MAP3K13: variants seen among roughly 807,000 people sequenced by gnomAD.
MAP3K13 encodes leucine zipper-bearing kinase.
In MAP3K13, 52 loss-of-function variants were observed where a neutral mutation model predicts 104.0. That is an observed-to-expected ratio of 0.50 (90% CI 0.40 to 0.63). The LOEUF is 0.63. Among genes scored for constraint, MAP3K13 ranks in the 20% least tolerant of loss-of-function variants. The pLI is 0.00. For synonymous variants in MAP3K13, 394 were observed against 442.2 expected (o/e 0.89, Z 1.37); for missense variants, 914 against 1,218.5 (o/e 0.75, Z 3.72).
rs1032156579 is a variant in MAP3K13, at chr3:185,482,196, T to C, written c.2800-159T>C. Among the ~76,000 whole-genome samples the C allele has an allele frequency of 1.3e-5, 2 of 152,268 alleles. No individual in the cohort carries two copies. The highest frequency in any genetic ancestry group is 4.8e-5 in the African/African-American group (2 of 41,480). ...ATTGTCGTAGCAATCATAATCATCA[T>C]GTGTTTTCTTTCTCCATAAGTCCCA... On this transcript the variant is annotated intron_variant, in intron 13 of 13. Coordinates refer to ENST00000265026, the MANE Select transcript of MAP3K13 (RefSeq NM_004721.5). The surrounding 1 kb of genome is among the most constrained non-coding windows in gnomAD (Gnocchi z 4.5).
chr3:185,427,909 T>C (rs969635480), intron 1 of MAP3K13, among the ~76,000 whole-genome samples: 1 of 151,998 alleles, frequency 6.6e-6, no homozygotes, highest in Admixed American at 6.6e-5. Context: ...AGAAACCCTG[T>C]CTCTATTAAA....
At chr3:185,395,558 C>T (rs1712354825) in intron 1 of MAP3K13, among the ~76,000 whole-genome samples, 1 of 148,272 alleles carries the variant, frequency 6.7e-6, no homozygotes, top group South Asian at 2.2e-4. Context: ...CGGGGTTTCA[C>T]CGTTTTAGCC....
intron 1 of MAP3K13, chr3:185,417,725 C>G: frequency 6.2e-7 from 1 of 1,612,724 alleles, no homozygotes; most frequent in Admixed American, 1.7e-5. Context: ...GCTGCCTTAT[C>G]CACCCGGAGC....
intron 7 of MAP3K13, among the ~76,000 whole-genome samples, chr3:185,455,935 T>G (rs1443257843): frequency 1.4e-5 from 2 of 144,584 alleles, no homozygotes; most frequent in East Asian, 3.9e-4. Context: ...GATGTATATA[T>G]GAGATATATA....
chr3:185,373,537 G>C (rs1724259957), intron 1 of MAP3K13, among the ~76,000 whole-genome samples: 1 of 152,138 alleles, frequency 6.6e-6, no homozygotes, highest in Non-Finnish European at 1.5e-5. Context: ...AGCTACTCAA[G>C]AGGCCGAGGC....
intron 9 of MAP3K13, among the ~76,000 whole-genome samples, chr3:185,466,526 G>A (rs979071113): frequency 6.6e-6 from 1 of 151,888 alleles, no homozygotes; most frequent in African/African-American, 2.4e-5. Context: ...ACAGGTGCAT[G>A]CCACCATGCC....
At position 185,412,460 on chromosome 3, in the gene MAP3K13, A is replaced by G. The variant is rs114084132; in HGVS notation, c.-85-16037A>G. ...GGAGTAGAAATTGAAACTACCCTCA[A>G]TGAATAATTAAACAATGGGTATGGA... On this transcript the variant is annotated intron_variant, in intron 1 of 13. Coordinates refer to ENST00000265026, the MANE Select transcript of MAP3K13 (RefSeq NM_004721.5). Among the ~76,000 whole-genome samples, 1,025 of 152,298 alleles carry G rather than the reference A, an allele frequency of 6.7e-3. 4 individuals are homozygous for G. The highest frequency in any genetic ancestry group is 0.011 in the Non-Finnish European group (724 of 68,028).
At chr3:185,325,460 G>T (rs182342775) in intron 2 of MAP3K13, among the ~76,000 whole-genome samples, 1 of 152,276 alleles carries the variant, frequency 6.6e-6, no homozygotes, top group East Asian at 1.9e-4. Context: ...CCACCATTCA[G>T]CCTACTACAA....
chr3:185,426,555 T>C (rs1714432508), intron 1 of MAP3K13, among the ~76,000 whole-genome samples: 1 of 152,202 alleles, frequency 6.6e-6, no homozygotes, highest in Non-Finnish European at 1.5e-5. Context: ...TCACCTTCAG[T>C]ATAAAATCTC....
chr3:185,335,554 A>T (rs534998433), intron 2 of MAP3K13, among the ~76,000 whole-genome samples: 2 of 152,256 alleles, frequency 1.3e-5, no homozygotes, highest in Admixed American at 1.3e-4. Context: ...TGCAGGTTCC[A>T]TATATATTGT....
At chr3:185,321,123 C>CATATGCGTGCACACAA (rs1721847746) in intron 2 of MAP3K13, among the ~76,000 whole-genome samples, 1 of 150,776 alleles carries the variant, frequency 6.6e-6, no homozygotes, top group Admixed American at 6.6e-5. Context: ...CGTGCACACA[C>CATATGCGTGCACACAA]ATATACACAT....
intron 2 of MAP3K13, among the ~76,000 whole-genome samples, chr3:185,294,318 G>A (rs1000385885): frequency 3.3e-5 from 5 of 152,158 alleles, no homozygotes; most frequent in African/African-American, 7.2e-5. Flanking sequence ...TATAGTGTCC[G>A]TGAACAATAG....
chr3:185,438,620 C>A (rs1351017726), intron 3 of MAP3K13, among the ~76,000 whole-genome samples: 3 of 152,132 alleles, frequency 2.0e-5, no homozygotes, highest in African/African-American at 4.8e-5. Flanking sequence ...CTAGATGATT[C>A]TTTTCATAAT....
At position 185,418,871 on chromosome 3, in the gene MAP3K13, T is replaced by G; in HGVS notation, c.-85-9626T>G. 7.5e-7 allele frequency: 1 copy of G among 1,332,458 alleles called. No homozygotes were observed. Among genetic ancestry groups the G allele is most frequent in the Non-Finnish European group, 1.0e-6 (1 of 980,566 alleles). The allele number at this position is 1,332,458 out of a possible 1,614,324, so 82.5% of individuals were successfully genotyped here. On this transcript the variant is annotated intron_variant, in intron 1 of 13. Coordinates refer to ENST00000265026, the MANE Select transcript of MAP3K13 (RefSeq NM_004721.5). This position sits in a 1 kb window ranked among gnomAD's most constrained non-coding sequence, Gnocchi z 4.5. ...CTTTTCATCTGTTTTGGGTTTCAGT[T>G]CTCTTAATCATGATCATTCTGCCTT...
chr3:185,371,785 A>C (rs1412496601), intron 1 of MAP3K13, among the ~76,000 whole-genome samples: 1 of 152,162 alleles, frequency 6.6e-6, no homozygotes, highest in Admixed American at 6.5e-5. Flanking sequence ...CAGACTGAAA[A>C]AGACTCTTTG....
chr3:185,355,144 G>A lies in MAP3K13; in HGVS notation c.-86+69501G>A, dbSNP rs1723298424. ...TCCCAATTATTATTTCTGGAATTTA[G>A]ATATCTGAAACTCCAAAAGAGTGTA... On this transcript the variant is annotated intron_variant, in intron 2 of 14. Transcript: ENST00000424227. Among the ~76,000 whole-genome samples the A allele has an allele frequency of 2.0e-5, 3 of 152,250 alleles. 1 individual carries two copies. The South Asian group carries it at 6.2e-4, about 32-fold the overall frequency.
rs1718517154 is a variant in MAP3K13, at chr3:185,482,415, A to G, written c.2860A>G (p.Thr954Ala). The G allele has an allele frequency of 1.2e-6, 2 of 1,614,130 alleles. No homozygotes were observed. Among genetic ancestry groups the G allele is most frequent in the South Asian group, 2.2e-5 (2 of 91,086 alleles). ...TTCAGATGGGGAGTGTTCTGATGCC[A>G]CAGTTAGGACCAATAAACACTACAG... ...DSSDGECSDA[T>A]VRTNKHYSSA... The change falls in exon 14 of 14, where the codon ACA becomes GCA. Residue 954 changes from threonine (T) to alanine (A), a missense_variant. By Grantham distance (58) the Thr-to-Ala change is moderately conservative (BLOSUM62 0). Transcript: ENST00000265026. This position sits in a 1 kb window ranked among gnomAD's most constrained non-coding sequence, Gnocchi z 4.5.
rs547376470 is a variant in MAP3K13 at position 185,455,938 on chromosome 3, GAT to G, written c.1278+4552_1278+4553del. ...TGAGATATATATGATGTATATATGA[GAT>G]ATATATATGATGTATATATATGATA... On this transcript the variant is annotated intron_variant, in intron 7 of 13. Transcript: ENST00000265026. Among the ~76,000 whole-genome samples, 53 of 140,680 alleles carry G rather than the reference GAT, an allele frequency of 3.8e-4. 1 individual carries two copies. Among genetic ancestry groups the G allele is most frequent in the South Asian group, 3.1e-3 (14 of 4,534 alleles). The allele number at this position is 140,680 out of a possible 152,430, so 92.3% of individuals were successfully genotyped here.
At chr3:185,432,673 G>A (rs1299974041) in intron 2 of MAP3K13, among the ~76,000 whole-genome samples, 1 of 152,106 alleles carries the variant, frequency 6.6e-6, no homozygotes, top group African/African-American at 2.4e-5. Context: ...GACTCAGAAT[G>A]AGGGGCGATT....
Sources: gnomAD v4.1 joint callset for allele counts (sites outside exome capture counted in the v4.1 genomes callset) on GRCh38, gnomAD v4.1.1 for gene constraint, Gnocchi (gnomAD v3.1) non-coding constraint, MANE v1.5 for transcripts, NCBI Gene and HGNC (gene_info 2026-07-23, HGNC 2026-07-21) for gene names.